GAPVD1: variants seen among roughly 807,000 people sequenced by gnomAD.
The protein encoded by GAPVD1 is GTPase activating protein and VPS9 domains 1, also known as GTPase-activating protein and VPS9 domain-containing protein 1.
Under a neutral mutation model 155.5 loss-of-function variants are expected in GAPVD1, and 35 were observed. The ratio of observed to expected loss-of-function variants is 0.23; its 90% CI spans 0.17 to 0.30. The LOEUF is 0.30. Ranked by LOEUF, GAPVD1 falls within the 10% of genes least tolerant of loss-of-function variation. GAPVD1 has a pLI of 1.00. For missense variants in GAPVD1, 1,429 were observed against 1,775.7 expected (o/e 0.80, Z 3.51); for synonymous variants, 636 against 619.7 (o/e 1.03, Z -0.39).
intron 9 of GAPVD1, among the ~76,000 whole-genome samples, chr9:125,319,186 TAATA>T (rs1164729677): frequency 8.1e-6 from 1 of 122,754 alleles, no homozygotes; most frequent in Non-Finnish European, 1.7e-5. Flanking sequence ...AAAAATATAA[TAATA>T]ATAATAATAA....
Position 125,355,788 on chromosome 9 carries a change from G to A in GAPVD1, c.3902G>A (p.Arg1301Gln), listed in dbSNP as rs1849988312. 2 of 1,613,526 alleles carry A rather than the reference G, an allele frequency of 1.2e-6. No homozygotes were observed. The highest frequency in any genetic ancestry group is 1.7e-6 in the Non-Finnish European group (2 of 1,179,500). Reference sequence around the variant, plus strand: ...CAAGATGCACAGCTGGCCATTGAGCGAAGCGTGATGAACCGGATTTTCAAG... The same window carrying A: ...CAAGATGCACAGCTGGCCATTGAGCAAAGCGTGATGAACCGGATTTTCAAG... Reference protein sequence around the residue: ...QLQDAQLAIERSVMNRIFKLA... With the variant: ...QLQDAQLAIEQSVMNRIFKLA... The change falls in exon 25 of 28, where the codon CGA becomes CAA. Residue 1301 changes from arginine (R) to glutamine (Q), a missense_variant. Coordinates refer to ENST00000297933, the MANE Select transcript of GAPVD1 (RefSeq NM_001282680.3).
intron 15 of GAPVD1, chr9:125,335,387 TA>T (rs779055946): frequency 0.02 from 7,943 of 400,962 alleles, no homozygotes; most frequent in Middle Eastern, 0.038. Context: ...TTTTTTTTTT[TA>T]AAAATGGGGC....
rs534581525 is a variant in GAPVD1 at position 125,263,752 on chromosome 9, G to A, written c.-199+1793G>A. ...GGTATGTCTGTCAGCTTCCCCTCTT[G>A]TGAGTCTCGCAGGTCACTCACCCTC... On this transcript the variant is annotated intron_variant, in intron 1 of 27. Transcript: ENST00000297933. 3.5e-5 allele frequency: 31 copies of A among 895,836 alleles called. 1 individual carries two copies. Among genetic ancestry groups the A allele is most frequent in the African/African-American group, 3.4e-4 (21 of 61,796 alleles). 55.5% of individuals were successfully genotyped at this position (895,836 alleles called of 1,614,324 possible). A position where few individuals can be genotyped will look rare whatever the true frequency, so the allele number is the denominator to read the frequency against.
rs142727134 is a variant in GAPVD1, at chr9:125,325,445, C to T, written c.1859-971C>T. 5.4e-3 allele frequency among the ~76,000 whole-genome samples: 795 copies of T among 147,366 alleles called. 6 individuals carry two copies. Among genetic ancestry groups the T allele is most frequent in the Middle Eastern group, 0.018 (5 of 278 alleles). On this transcript the variant is annotated intron_variant, in intron 11 of 27. Coordinates refer to ENST00000297933, the MANE Select transcript of GAPVD1 (RefSeq NM_001282680.3). ...GCTGAGGCAGGAGAATGGCCTGAAC[C>T]CGGGAGGCAGAGCTTAGTGAGCAGA...
chr9:125,354,479 T>C (rs997104502), intron 23 of GAPVD1, among the ~76,000 whole-genome samples, 175 bp from the exon 24 acceptor site: 2 of 152,198 alleles, frequency 1.3e-5, no homozygotes, highest in African/African-American at 4.8e-5. Flanking sequence ...GTCTCTACCA[T>C]GTCTGCAGCC....
At chr9:125,298,732 C>T (rs1317733849) in intron 3 of GAPVD1, among the ~76,000 whole-genome samples, 158 bp from the exon 4 acceptor site, 2 of 152,022 alleles carry the variant, frequency 1.3e-5, no homozygotes, top group Non-Finnish European at 2.9e-5. Context: ...TTGTAATCCG[C>T]CCGCCTTGGC....
chr9:125,307,121 C>T (rs1841959577), intron 6 of GAPVD1, among the ~76,000 whole-genome samples: 1 of 151,852 alleles, frequency 6.6e-6, no homozygotes, highest in African/African-American at 2.4e-5. Context: ...CAAAAATTAG[C>T]CGGGCATGGT....
intron 3 of GAPVD1, 83 bp downstream of exon 3, chr9:125,295,657 C>T (rs1839731605): frequency 6.6e-6 from 1 of 152,012 alleles, no homozygotes; most frequent in African/African-American, 2.4e-5. Flanking sequence ...ATCTTGAACT[C>T]CTGAGCTCAA....
Position 125,350,860 on chromosome 9 carries a change from C to T in GAPVD1, c.3557C>T (p.Ala1186Val). Residue 1186 changes from alanine to valine, a missense_variant, in exon 23 of 28, where the codon GCT becomes GTT. Physicochemically the swap from Ala to Val is moderately conservative, Grantham distance 64. Transcript: ENST00000297933. ...TGTAGGAAACTGCTGGCTTCGATTG[C>T]TGAGGACTACAGGTAATATACCCCA... Reference protein sequence around the residue: ...RTCRKLLASIAEDYRKRAPYI... With the variant: ...RTCRKLLASIVEDYRKRAPYI... 2.5e-6 allele frequency: 4 copies of T among 1,613,256 alleles called. No homozygotes were observed. In the East Asian group the frequency reaches 6.7e-5, roughly 27 times the overall value.
Position 125,288,623 on chromosome 9 carries a change from C to T in GAPVD1, c.-149-6835C>T, listed in dbSNP as rs775307061. ...AATTCTTGGGCTCACATGATCCTCC[C>T]GCCTCAACTTCCCAAAGTGCTGGGA... On this transcript the variant is annotated intron_variant, in intron 2 of 27. Transcript: ENST00000297933. 9.2e-5 allele frequency among the ~76,000 whole-genome samples: 14 copies of T among 152,054 alleles called. 1 individual carries two copies. The highest frequency in any genetic ancestry group is 9.2e-4 in the Admixed American group (14 of 15,248).
Position 125,321,568 on chromosome 9 carries a change from G to A in GAPVD1, c.1732+6G>A. Reference sequence around the variant, plus strand: ...TCTGGAAGGAATATCTGAAGGTGAAGGGTTACTTCATTCAAGGAGTTGTGT... The same window carrying A: ...TCTGGAAGGAATATCTGAAGGTGAAAGGTTACTTCATTCAAGGAGTTGTGT... On this transcript the variant is annotated splice_donor_region_variant and intron_variant, in intron 10 of 27. Coordinates refer to ENST00000297933, the MANE Select transcript of GAPVD1 (RefSeq NM_001282680.3). The A allele has an allele frequency of 6.2e-7, 1 of 1,610,806 alleles. No individual in the cohort carries two copies. Among genetic ancestry groups the A allele is most frequent in the East Asian group, 2.2e-5 (1 of 44,818 alleles).
chr9:125,270,211 T>G (rs955576456), intron 2 of GAPVD1, among the ~76,000 whole-genome samples: 6 of 151,270 alleles, frequency 4.0e-5, no homozygotes, highest in African/African-American at 9.7e-5. Flanking sequence ...GGCGAATCAC[T>G]TGAGGTCAGG....
intron 15 of GAPVD1, among the ~76,000 whole-genome samples, chr9:125,335,883 T>C (rs1331509070): frequency 6.6e-6 from 1 of 152,100 alleles, no homozygotes; most frequent in African/African-American, 2.4e-5. Context: ...CCAGGCATGG[T>C]AGCTCATGCC....
intron 26 of GAPVD1, 157 bp downstream of exon 26, chr9:125,359,649 A>T (rs1850639971): frequency 1.8e-6 from 1 of 564,014 alleles, no homozygotes. Context: ...GTTCCTGAAG[A>T]TGCTTTCAGG....
intron 11 of GAPVD1, among the ~76,000 whole-genome samples, 160 bp from the exon 12 acceptor site, chr9:125,326,256 G>C (rs781652389): frequency 5.3e-5 from 8 of 152,198 alleles, no homozygotes; most frequent in African/African-American, 1.9e-4. Context: ...AGTGGCTCAC[G>C]CCTGTAATCC....
rs551782806 is a variant in GAPVD1 at position 125,363,599 on chromosome 9, C to G, written c.*853C>G. On this transcript the variant is annotated 3_prime_UTR_variant, in exon 28 of 28. Coordinates refer to ENST00000297933, the MANE Select transcript of GAPVD1 (RefSeq NM_001282680.3). ...TGACATAAAAAGGAACAGTGGATAGCTCATACTTTATGGTGGTTCTTCTCC... is the reference window on the plus strand; with the variant it reads ...TGACATAAAAAGGAACAGTGGATAGGTCATACTTTATGGTGGTTCTTCTCC... 6.6e-6 allele frequency: 1 copy of G among 152,576 alleles called. No individual in the cohort carries two copies. Among genetic ancestry groups the G allele is most frequent in the Admixed American group, 6.5e-5 (1 of 15,274 alleles). 9.5% of individuals were successfully genotyped at this position (152,576 alleles called of 1,614,324 possible).
chr9:125,307,426 C>G lies in GAPVD1; in HGVS notation c.1130C>G (p.Ala377Gly). ...CTGTTTTAACAGAGCTGTGTTGCCGCTTTCCTTGATGTTGTGATTGGGGGC... is the reference window on the plus strand; with the variant it reads ...CTGTTTTAACAGAGCTGTGTTGCCGGTTTCCTTGATGTTGTGATTGGGGGC... Reference protein sequence around the residue: ...LGKFDKSCVAAFLDVVIGGRA... With the variant: ...LGKFDKSCVAGFLDVVIGGRA... The change falls in exon 7 of 28, where the codon GCT (alanine) becomes GGT (glycine). Residue 377 changes from alanine to glycine, a missense_variant. By Grantham distance (60) the Ala-to-Gly change is moderately conservative (BLOSUM62 0). Transcript: ENST00000297933. The G allele has an allele frequency of 6.2e-7, 1 of 1,604,384 alleles. No homozygotes were observed. Among genetic ancestry groups the G allele is most frequent in the Non-Finnish European group, 8.5e-7 (1 of 1,176,740 alleles).
chr9:125,361,538 CA>C (rs1280865572), intron 27 of GAPVD1, among the ~76,000 whole-genome samples: 1 of 151,214 alleles, frequency 6.6e-6, no homozygotes, highest in Non-Finnish European at 1.5e-5. Flanking sequence ...AAAAAAAAAG[CA>C]GTGCCTGAAG....
chr9:125,335,140 C>T, intron 15 of GAPVD1: 2 of 741,144 alleles, frequency 2.7e-6, no homozygotes, highest in Non-Finnish European at 5.0e-6. Flanking sequence ...ACATATTGTT[C>T]CTTTTCCAAC....
Sources: allele counts gnomAD v4.1 joint callset (sites outside exome capture counted in the v4.1 genomes callset), GRCh38; gene constraint gnomAD v4.1.1; transcripts MANE v1.5; gene names NCBI Gene and HGNC (gene_info 2026-07-23, HGNC 2026-07-21).